The following PRIM2 variants were observed in gnomAD, a reference collection of about 807,000 sequenced individuals.
The protein encoded by PRIM2 is DNA primase large subunit.
PRIM2 carries 39 observed loss-of-function variants against 67.3 expected under a neutral mutation model. The ratio of observed to expected loss-of-function variants is 0.58; its 90% CI spans 0.45 to 0.76. PRIM2 has a LOEUF of 0.76. Among genes scored for constraint, PRIM2 ranks in the 30% least tolerant of loss-of-function variants. The probability of loss-of-function intolerance (pLI) is 0.00; values close to 1 mark genes in which losing one functional copy is unlikely to be tolerated. For synonymous variants in PRIM2, 143 were observed against 198.7 expected (o/e 0.72, Z 2.36); for missense variants, 398 against 598.7 (o/e 0.66, Z 3.50).
chr6:57,292,177 T>A, the PRIM2 span, among the ~76,000 whole-genome samples: 1 of 152,094 alleles, frequency 6.6e-6, no homozygotes, highest in Non-Finnish European at 1.5e-5. Context: ...TGTGCAAAAA[T>A]CACAAGCATT....
At chr6:57,292,820 C>T in the PRIM2 span, among the ~76,000 whole-genome samples, 5 of 152,162 alleles carry the variant, frequency 3.3e-5, no homozygotes, top group Admixed American at 6.6e-5. Flanking sequence ...CTTCCTTACA[C>T]CTTATAGAAA....
chr6:57,395,718 T>G (rs1770495976), intron 7 of PRIM2, among the ~76,000 whole-genome samples: 1 of 152,170 alleles, frequency 6.6e-6, no homozygotes, highest in Non-Finnish European at 1.5e-5. Context: ...GGGTTTGGTT[T>G]GTTTTTGTTT....
chr6:57,478,794 G>C (rs1773544683), intron 7 of PRIM2, among the ~76,000 whole-genome samples: 1 of 152,050 alleles, frequency 6.6e-6, no homozygotes, highest in Non-Finnish European at 1.5e-5. Context: ...TTTTTTCCAG[G>C]GTTCTGTTCT....
chr6:57,586,955 A>G (rs1257389295), intron 10 of PRIM2: 2 of 152,242 alleles, frequency 1.3e-5, no homozygotes, highest in Non-Finnish European at 2.9e-5. Flanking sequence ...ACATCCTACA[A>G]TAGCCCACAA....
intron 10 of PRIM2, among the ~76,000 whole-genome samples, chr6:57,586,187 A>T (rs1452482362): frequency 6.6e-6 from 1 of 152,244 alleles, no homozygotes; most frequent in Non-Finnish European, 1.5e-5. Context: ...GATCCATTCC[A>T]GTTGGCTGGT....
intron 7 of PRIM2, among the ~76,000 whole-genome samples, chr6:57,409,475 G>C (rs1290873846): frequency 1.3e-5 from 2 of 151,900 alleles, no homozygotes; most frequent in Admixed American, 6.6e-5. Flanking sequence ...CTCCTGGCCT[G>C]GATAAATACT....
chr6:57,456,678 G>A (rs926660347), intron 7 of PRIM2, among the ~76,000 whole-genome samples: 1 of 151,858 alleles, frequency 6.6e-6, no homozygotes, highest in Non-Finnish European at 1.5e-5. Flanking sequence ...ATTCTAGTTA[G>A]CCATTCGTCT....
At chr6:57,257,332 C>T in the PRIM2 span, among the ~76,000 whole-genome samples, 338 of 148,672 alleles carry the variant, frequency 2.3e-3, 2 homozygotes, top group Non-Finnish European at 4.1e-3. Flanking sequence ...AGTGCAATGG[C>T]GCAATCTCGG....
chr6:57,390,453 C>T (rs1770298829), intron 7 of PRIM2, among the ~76,000 whole-genome samples: 2 of 151,960 alleles, frequency 1.3e-5, no homozygotes, highest in Admixed American at 1.3e-4. Flanking sequence ...AAACTCATGT[C>T]ATGGGGGCTT....
At chr6:57,394,450 G>C (rs112098857) in intron 7 of PRIM2, among the ~76,000 whole-genome samples, 12 of 152,028 alleles carry the variant, frequency 7.9e-5, no homozygotes, top group African/African-American at 2.7e-4. Flanking sequence ...TTGAGTTCTT[G>C]ATTTGAATCT....
chr6:57,275,496 C>T, the PRIM2 span, among the ~76,000 whole-genome samples: 1 of 152,098 alleles, frequency 6.6e-6, no homozygotes, highest in Non-Finnish European at 1.5e-5. Flanking sequence ...TTCAAAAAAA[C>T]AAACAAATAA....
chr6:57,421,400 C>G (rs757181121), intron 7 of PRIM2, among the ~76,000 whole-genome samples: 1 of 152,116 alleles, frequency 6.6e-6, no homozygotes, highest in Non-Finnish European at 1.5e-5. Context: ...TGAGTAATGG[C>G]ACTGATATAT....
At chr6:57,484,953 C>G (rs1261118996) in intron 7 of PRIM2, among the ~76,000 whole-genome samples, 12 of 152,276 alleles carry the variant, frequency 7.9e-5, no homozygotes, top group Admixed American at 6.5e-4. Flanking sequence ...GTTCATGTCT[C>G]TGTCCTTAGC....
intron 7 of PRIM2, among the ~76,000 whole-genome samples, chr6:57,450,649 C>T (rs1772512210): frequency 6.6e-6 from 1 of 152,202 alleles, no homozygotes; most frequent in African/African-American, 2.4e-5. Context: ...GGCCCGTTAG[C>T]CAAGCTAGCC....
chr6:57,337,734 G>A (rs1362676185), intron 5 of PRIM2, among the ~76,000 whole-genome samples: 1 of 152,094 alleles, frequency 6.6e-6, no homozygotes, highest in Non-Finnish European at 1.5e-5. Flanking sequence ...AATATATAGT[G>A]CTAAATGCCC....
intron 7 of PRIM2, among the ~76,000 whole-genome samples, chr6:57,469,339 G>A (rs1343650628): frequency 1.2e-4 from 19 of 152,180 alleles, no homozygotes; most frequent in Non-Finnish European, 2.2e-4. Context: ...TTCACAGCAG[G>A]CAAATTCTTA....
chr6:57,615,049 T>C (rs1452643665), intron 12 of PRIM2, among the ~76,000 whole-genome samples: 2 of 152,230 alleles, frequency 1.3e-5, no homozygotes. Flanking sequence ...TTTTGTTTTT[T>C]AGCTTTTATT....
chr6:57,355,829 G>T (rs964504062), intron 5 of PRIM2, among the ~76,000 whole-genome samples: 1 of 151,918 alleles, frequency 6.6e-6, no homozygotes, highest in Non-Finnish European at 1.5e-5. Context: ...TTTCTGTAGA[G>T]ATGGGTTTTG....
At chr6:57,368,766 C>A (rs974394376) in intron 5 of PRIM2, among the ~76,000 whole-genome samples, 5 of 152,094 alleles carry the variant, frequency 3.3e-5, no homozygotes, top group African/African-American at 1.2e-4. Context: ...ATGTGTGATG[C>A]AAAGATGAAG....
Sources: allele counts gnomAD v4.1 joint callset (sites outside exome capture counted in the v4.1 genomes callset), GRCh38; gene constraint gnomAD v4.1.1; transcripts MANE v1.5; gene names NCBI Gene and HGNC (gene_info 2026-07-23, HGNC 2026-07-21).